DIAPH2: variants seen among roughly 807,000 people sequenced by gnomAD.
DIAPH2 encodes diaphanous related formin 2.
In DIAPH2, 35 loss-of-function variants were observed where a neutral mutation model predicts 92.7. The observed-to-expected ratio is 0.38, with a 90% CI of 0.29 to 0.50. The LOEUF (loss-of-function observed/expected upper bound fraction) is 0.50. Among genes scored for constraint, DIAPH2 ranks in the 20% least tolerant of loss-of-function variants. The pLI is 0.94. For missense variants in DIAPH2, 701 were observed against 819.5 expected (o/e 0.86, Z 1.77); for synonymous variants, 301 against 280.4 (o/e 1.07, Z -0.73).
chrX:97,174,336 A>T (rs945997805), intron 22 of DIAPH2, among the ~76,000 whole-genome samples: 1 of 110,943 alleles, frequency 9.0e-6, no homozygotes, highest in African/African-American at 3.3e-5. Context: ...ACGTAGCAAG[A>T]ATGTAAAGTT....
rs773409603 is a variant in DIAPH2 at position 97,599,327 on chromosome X, C to A, written c.*10C>A. The A allele has an allele frequency of 2.6e-6, 3 of 1,142,609 alleles. No homozygotes were observed. The highest frequency in any genetic ancestry group is 1.8e-5 in the African/African-American group (1 of 56,119). 94.2% of individuals were successfully genotyped at this position (1,142,609 alleles called of 1,213,427 possible). On this transcript the variant is annotated 3_prime_UTR_variant, in exon 27 of 27. Coordinates refer to ENST00000324765, the MANE Select transcript of DIAPH2 (RefSeq NM_006729.5). ...TATCTCATCTAAGTGATTCCTGATG[C>A]CAAAGAATATGAAAATATTTAAGTA...
chrX:97,025,793 A>G (rs2066330843), intron 17 of DIAPH2, among the ~76,000 whole-genome samples: 1 of 112,757 alleles, frequency 8.9e-6, no homozygotes, highest in Admixed American at 9.3e-5. Flanking sequence ...TAATTTTTAT[A>G]AGTGGTAGAA....
intron 1 of DIAPH2, among the ~76,000 whole-genome samples, chrX:96,708,442 A>G (rs2063899337): frequency 9.1e-6 from 1 of 109,819 alleles, no homozygotes; most frequent in Non-Finnish European, 1.9e-5. Context: ...GGGTTTCACC[A>G]TCTTGGCCAG....
chrX:97,348,230 A>C lies in DIAPH2; in HGVS notation c.2959A>C (p.Ser987Arg), dbSNP rs766175106. 1 of 1,209,811 alleles carries C rather than the reference A, an allele frequency of 8.3e-7. No homozygotes were observed. The change falls in exon 24 of 27, where the codon AGC (serine) becomes CGC (arginine). Residue 987 changes from serine (S) to arginine (R), a missense_variant. Around this residue, in one of 3 missense-constraint regions of DIAPH2, gnomAD observed 536 missense variants for 599.3 expected, o/e 0.89. Transcript: ENST00000324765. ...CTTCATTTTTGACTCAAAGACAGTG[A>C]GCATAGAAGAGTTCTTTGGTGATCT... ...EYFIFDSKTV[S>R]IEEFFGDLNN...
intron 22 of DIAPH2, among the ~76,000 whole-genome samples, chrX:97,246,274 C>T (rs1051767062): frequency 9.0e-6 from 1 of 111,147 alleles, no homozygotes; most frequent in Admixed American, 9.6e-5. Flanking sequence ...AATTGGAATA[C>T]AGCAGAGAAA....
At chrX:97,146,403 T>C (rs992512735) in intron 22 of DIAPH2, among the ~76,000 whole-genome samples, 1 of 110,791 alleles carries the variant, frequency 9.0e-6, no homozygotes, top group Non-Finnish European at 1.9e-5. Context: ...ATGAATTATA[T>C]AGCTAATATT....
rs772735108 is a variant in DIAPH2, at chrX:97,218,775, C to T, written c.2720-28940C>T. On this transcript the variant is annotated intron_variant, in intron 22 of 26. Transcript: ENST00000324765. ...GTATACTTTCGACATCTGTAGGTTA[C>T]TTATGATACCTAATGCAATGTAAAT... 3.6e-5 allele frequency among the ~76,000 whole-genome samples: 4 copies of T among 111,763 alleles called. No individual in the cohort carries two copies. In the South Asian group the frequency reaches 1.1e-3, roughly 31 times the overall value.
At chrX:97,156,519 T>C (rs1683889193) in intron 22 of DIAPH2, among the ~76,000 whole-genome samples, 1 of 112,283 alleles carries the variant, frequency 8.9e-6, no homozygotes, top group African/African-American at 3.2e-5. Flanking sequence ...TCTTTCATTG[T>C]ACTGTCAAAC....
intron 24 of DIAPH2, among the ~76,000 whole-genome samples, chrX:97,356,120 T>C (rs1395805419): frequency 8.9e-6 from 1 of 111,746 alleles, no homozygotes; most frequent in Non-Finnish European, 1.9e-5. Context: ...GAAGTAGCCA[T>C]GTTTCACAGG....
At chrX:96,700,286 G>A (rs181659255) in intron 1 of DIAPH2, among the ~76,000 whole-genome samples, 2 of 112,468 alleles carry the variant, frequency 1.8e-5, no homozygotes, top group East Asian at 5.6e-4. Flanking sequence ...TTACAGGCCT[G>A]AGCCATGCAT....
chrX:97,330,692 T>C (rs1303140494), intron 23 of DIAPH2, among the ~76,000 whole-genome samples: 1 of 110,271 alleles, frequency 9.1e-6, no homozygotes, highest in Non-Finnish European at 1.9e-5. Context: ...TTCGTATTTT[T>C]AGTAGAGATG....
intron 26 of DIAPH2, chrX:97,529,188 A>G (rs1163796923): frequency 8.9e-6 from 1 of 111,903 alleles, no homozygotes; most frequent in Admixed American, 9.5e-5. Flanking sequence ...TTTTGTATTC[A>G]CATTCATTTT....
intron 4 of DIAPH2, among the ~76,000 whole-genome samples, chrX:96,772,806 G>A (rs181052362): frequency 5.3e-5 from 6 of 112,584 alleles, no homozygotes; most frequent in African/African-American, 1.9e-4. Flanking sequence ...AACCTGTCAT[G>A]GTTCTTTTCT....
At chrX:97,440,095 C>T (rs2070237570) in intron 26 of DIAPH2, among the ~76,000 whole-genome samples, 1 of 111,228 alleles carries the variant, frequency 9.0e-6, no homozygotes, top group South Asian at 3.8e-4. Context: ...CAGTGATTCT[C>T]AGCTCTGGCC....
chrX:97,373,188 C>T lies in DIAPH2; in HGVS notation c.3010-10721C>T, dbSNP rs184914379. On this transcript the variant is annotated intron_variant, in intron 24 of 26. Transcript: ENST00000324765. ...TGTCATGGATATCGGGCCTCTGAAA[C>T]GCTAAGCACTGGCATTTTTAAGAAA... is the stretch of plus-strand genomic sequence containing the variant. Among the ~76,000 whole-genome samples the T allele has an allele frequency of 9.9e-5, 11 of 111,386 alleles. No homozygotes were observed. In the South Asian group the frequency reaches 1.5e-3, roughly 15 times the overall value.
intron 26 of DIAPH2, among the ~76,000 whole-genome samples, chrX:97,592,155 C>A (rs1346750424): frequency 1.8e-5 from 2 of 111,961 alleles, no homozygotes; most frequent in African/African-American, 6.5e-5. Context: ...AATGTGGATA[C>A]ATTTTTAATG....
intron 26 of DIAPH2, among the ~76,000 whole-genome samples, chrX:97,593,798 A>G (rs1396722130): frequency 8.9e-6 from 1 of 111,859 alleles, no homozygotes; most frequent in Non-Finnish European, 1.9e-5. Context: ...TAAGATCCCA[A>G]TAGATAAATG....
intron 19 of DIAPH2, among the ~76,000 whole-genome samples, chrX:97,086,251 C>G (rs1038024904): frequency 9.0e-6 from 1 of 111,476 alleles, no homozygotes; most frequent in Non-Finnish European, 1.9e-5. Context: ...ATCTTTGAAC[C>G]TGCAGGACAT....
intron 25 of DIAPH2, among the ~76,000 whole-genome samples, chrX:97,429,189 T>C (rs1569395241): frequency 8.9e-6 from 1 of 112,482 alleles, no homozygotes; most frequent in Non-Finnish European, 1.9e-5. Context: ...AAATAGTGTT[T>C]TCTAAGATAA....
Sources: allele counts gnomAD v4.1 joint callset (sites outside exome capture counted in the v4.1 genomes callset), GRCh38; gene constraint gnomAD v4.1.1; regional missense constraint gnomAD v4.1.1; transcripts MANE v1.5; gene names NCBI Gene and HGNC (gene_info 2026-07-23, HGNC 2026-07-21).